The following SCAI variants were observed in gnomAD, a reference collection of about 807,000 sequenced individuals.
The protein encoded by SCAI is protein SCAI.
SCAI carries 24 observed loss-of-function variants against 92.2 expected under a neutral mutation model. The ratio of observed to expected loss-of-function variants is 0.26; its 90% CI spans 0.19 to 0.37. SCAI has a LOEUF of 0.37. Among genes scored for constraint, SCAI ranks in the 10% least tolerant of loss-of-function variants. The pLI is 1.00. For missense variants in SCAI, 450 were observed against 736.2 expected, an observed-to-expected ratio of 0.61 and a Z score of 4.50; for synonymous variants, 261 against 258.6, an observed-to-expected ratio of 1.01 and a Z score of -0.09.
intron 17 of SCAI, chr9:124,968,294 T>A: frequency 8.5e-7 from 1 of 1,177,866 alleles, no homozygotes; most frequent in South Asian, 1.2e-5. Flanking sequence ...GGGCTGGGCA[T>A]CAAGCGTCTT....
chr9:125,136,176 T>C (rs1053064274), intron 2 of SCAI, among the ~76,000 whole-genome samples: 2 of 148,892 alleles, frequency 1.3e-5, no homozygotes, highest in Non-Finnish European at 3.0e-5. Flanking sequence ...AGTGGTGCAA[T>C]CATGGCTCAC....
At chr9:125,056,794 A>G (rs1458667465) in intron 2 of SCAI, among the ~76,000 whole-genome samples, 1 of 152,214 alleles carries the variant, frequency 6.6e-6, no homozygotes, top group African/African-American at 2.4e-5. Context: ...AGGAATACTG[A>G]CCACTGCACT....
intron 3 of SCAI, among the ~76,000 whole-genome samples, chr9:125,048,351 C>T (rs182411166): frequency 6.6e-6 from 1 of 152,270 alleles, no homozygotes; most frequent in East Asian, 1.9e-4. Context: ...ACCTCAAAGG[C>T]AAGTCCAATT....
rs1490061567 is a variant in SCAI at position 124,945,816 on chromosome 9, T to C, written c.*6991A>G. Reference sequence around the variant, plus strand: ...TTCAAAACTCAGTGAAGCTGGAACATAGTGTAGTATTAGGCTTTGAAATTC... The same window carrying C: ...TTCAAAACTCAGTGAAGCTGGAACACAGTGTAGTATTAGGCTTTGAAATTC... On this transcript the variant is annotated 3_prime_UTR_variant, in exon 18 of 18. Transcript: ENST00000336505. 1.3e-5 allele frequency: 2 copies of C among 152,166 alleles called. No homozygotes were observed. The allele number at this position is 152,166 out of a possible 1,614,324, so 9.4% of individuals were successfully genotyped here. A position where few individuals can be genotyped will look rare whatever the true frequency, so the allele number is the denominator to read the frequency against.
chr9:125,136,592 C>T (rs1035506216), intron 2 of SCAI, among the ~76,000 whole-genome samples: 2 of 150,200 alleles, frequency 1.3e-5, no homozygotes, highest in African/African-American at 4.9e-5. Flanking sequence ...TCCTGAGTAG[C>T]TAGGATTACA....
At chr9:125,052,487 G>A (rs764981042) in intron 3 of SCAI, among the ~76,000 whole-genome samples, 45 of 152,066 alleles carry the variant, frequency 3.0e-4, no homozygotes, top group Non-Finnish European at 5.0e-4. Flanking sequence ...GGTGGGTGCC[G>A]AGGCAGGAGA....
At chr9:124,970,775 G>A (rs1831642520) in intron 17 of SCAI, among the ~76,000 whole-genome samples, 1 of 151,928 alleles carries the variant, frequency 6.6e-6, no homozygotes. Flanking sequence ...CATTTGAGAG[G>A]GAGATAGGAT....
chr9:125,016,331 T>C (rs1170164985), intron 9 of SCAI, among the ~76,000 whole-genome samples: 1 of 150,448 alleles, frequency 6.6e-6, no homozygotes, highest in African/African-American at 2.4e-5. Context: ...GAAGTTGCAG[T>C]GAGCTGAGAT....
At chr9:125,122,282 T>C (rs964959503) in intron 2 of SCAI, among the ~76,000 whole-genome samples, 1 of 152,182 alleles carries the variant, frequency 6.6e-6, no homozygotes, top group South Asian at 2.1e-4. Context: ...TTTTAACTTA[T>C]ATCTTAATGA....
chr9:125,079,557 A>C (rs987601046), intron 2 of SCAI, among the ~76,000 whole-genome samples: 1 of 152,156 alleles, frequency 6.6e-6, no homozygotes, highest in Non-Finnish European at 1.5e-5. Context: ...TTTCATACAG[A>C]AAGTATCTTC....
intron 2 of SCAI, among the ~76,000 whole-genome samples, chr9:125,097,445 A>G (rs962200323): frequency 1.3e-5 from 2 of 152,180 alleles, no homozygotes; most frequent in African/African-American, 4.8e-5. Context: ...GGAAAAAGTA[A>G]TAATTTAGAA....
intron 2 of SCAI, among the ~76,000 whole-genome samples, chr9:125,107,673 G>A (rs1834828808): frequency 6.6e-6 from 1 of 152,194 alleles, no homozygotes; most frequent in Admixed American, 6.5e-5. Context: ...AGCTGAGGCA[G>A]GAGGACAGCC....
intron 13 of SCAI, 71 bp from the exon 14 acceptor site, chr9:124,995,086 G>T: frequency 8.6e-7 from 1 of 1,162,236 alleles, no homozygotes; most frequent in Non-Finnish European, 1.3e-6. Context: ...CTTCAGTTTG[G>T]TCTGCTCATA....
intron 3 of SCAI, among the ~76,000 whole-genome samples, chr9:125,041,221 T>C (rs1423004517): frequency 6.6e-6 from 1 of 152,226 alleles, no homozygotes; most frequent in African/African-American, 2.4e-5. Flanking sequence ...AGGTTAACTG[T>C]GGATATTAGT....
intron 3 of SCAI, among the ~76,000 whole-genome samples, chr9:125,040,841 G>A (rs912825529): frequency 5.3e-5 from 8 of 151,536 alleles, no homozygotes; most frequent in Non-Finnish European, 5.9e-5. Context: ...CACCATATTG[G>A]CCAGGCTAGT....
At chr9:125,114,964 G>A (rs1197262243) in intron 2 of SCAI, among the ~76,000 whole-genome samples, 1 of 151,920 alleles carries the variant, frequency 6.6e-6, no homozygotes, top group East Asian at 1.9e-4. Context: ...GTAGAGACCG[G>A]GTTTTGCCAT....
Position 125,049,532 on chromosome 9 carries a change from C to T in SCAI, c.230+6344G>A, listed in dbSNP as rs60518454. On this transcript the variant is annotated intron_variant, in intron 3 of 17. Coordinates refer to ENST00000336505, the MANE Select transcript of SCAI (RefSeq NM_001144877.3). ...AACTACATGCAAGAGCCATTATATG[C>T]GAAACATCATTCATTTCATCCAATT... Among the ~76,000 whole-genome samples, 409 of 152,270 alleles carry T rather than the reference C, an allele frequency of 2.7e-3. 7 individuals carry two copies. In the East Asian group the frequency reaches 0.061, roughly 23 times the overall value.
intron 14 of SCAI, among the ~76,000 whole-genome samples, chr9:124,990,569 T>C (rs984459183): frequency 6.6e-6 from 1 of 151,980 alleles, no homozygotes; most frequent in African/African-American, 2.4e-5. Context: ...GAAATGTGAG[T>C]TGGGGACAGA....
At position 124,942,854 on chromosome 9, in the gene SCAI, G is replaced by C. The variant is rs1588106713; in HGVS notation, c.*9953C>G. 6.6e-6 allele frequency: 1 copy of C among 152,122 alleles called. No individual in the cohort carries two copies. Among genetic ancestry groups the C allele is most frequent in the East Asian group, 1.9e-4 (1 of 5,202 alleles). The allele number at this position is 152,122 out of a possible 1,614,324, so 9.4% of individuals were successfully genotyped here. Reference sequence around the variant, plus strand: ...CCTCTAGTACTGAAGTGCCCTCAAGGTGGTAGGCACTGTATAGCAGGAGAA... The same window carrying C: ...CCTCTAGTACTGAAGTGCCCTCAAGCTGGTAGGCACTGTATAGCAGGAGAA... On this transcript the variant is annotated 3_prime_UTR_variant, in exon 18 of 18. Transcript: ENST00000336505.
Sources: allele counts gnomAD v4.1 joint callset (sites outside exome capture counted in the v4.1 genomes callset), GRCh38; gene constraint gnomAD v4.1.1; transcripts MANE v1.5; gene names NCBI Gene and HGNC (gene_info 2026-07-23, HGNC 2026-07-21).